Variants in GUCY1A2 observed in about 807,000 individuals in gnomAD.
GUCY1A2 encodes the protein guanylate cyclase 1 soluble subunit alpha 2.
A neutral mutation model predicts 63.5 loss-of-function variants in GUCY1A2; 27 were observed. The observed-to-expected ratio is 0.43, with a 90% confidence interval of 0.31 to 0.59. The LOEUF (loss-of-function observed/expected upper bound fraction) is 0.59. GUCY1A2 is among the 20% of genes least tolerant of loss of function. The pLI is 0.11. For synonymous variants in GUCY1A2, 364 were observed against 343.5 expected, an observed-to-expected ratio of 1.06 and a Z score of -0.66; for missense variants, 768 against 913.3, an observed-to-expected ratio of 0.84 and a Z score of 2.05.
chr11:106,840,369 G>C (rs183763946), intron 4 of GUCY1A2, among the ~76,000 whole-genome samples: 1 of 152,034 alleles, frequency 6.6e-6, no homozygotes, highest in Admixed American at 6.6e-5. Flanking sequence ...GACAATACAT[G>C]TTTGTATGAA....
chr11:106,803,106 C>T (rs963915986), intron 5 of GUCY1A2, among the ~76,000 whole-genome samples: 1 of 152,028 alleles, frequency 6.6e-6, no homozygotes, highest in African/African-American at 2.4e-5. Context: ...CAGAATATGC[C>T]ACAACACTAA....
At chr11:106,766,380 A>AAAAT (rs1238149688) in intron 6 of GUCY1A2, among the ~76,000 whole-genome samples, 5 of 152,116 alleles carry the variant, frequency 3.3e-5, no homozygotes, top group Admixed American at 3.3e-4. Context: ...TTCAGTTTTT[A>AAAAT]AAATAATCTA....
chr11:106,993,610 T>C (rs1861498730), intron 1 of GUCY1A2, among the ~76,000 whole-genome samples: 1 of 152,154 alleles, frequency 6.6e-6, no homozygotes, highest in Non-Finnish European at 1.5e-5. Context: ...GCTGTGCTAC[T>C]GACCTTTTTT....
intron 4 of GUCY1A2, among the ~76,000 whole-genome samples, chr11:106,904,483 T>C (rs140934291): frequency 5.3e-4 from 80 of 152,272 alleles, no homozygotes; most frequent in Non-Finnish European, 7.9e-4. Context: ...TCTTTGGAGA[T>C]GTTTGCCAAA....
chr11:106,939,418 C>T (rs1276807698), intron 4 of GUCY1A2, 42 bp downstream of exon 4: 1 of 947,540 alleles, frequency 1.1e-6, no homozygotes, highest in African/African-American at 1.6e-5. Flanking sequence ...TAATTATCCA[C>T]TCTTCTAGTT....
At chr11:106,807,731 A>G (rs967917968) in intron 5 of GUCY1A2, among the ~76,000 whole-genome samples, 1 of 152,188 alleles carries the variant, frequency 6.6e-6, no homozygotes, top group Non-Finnish European at 1.5e-5. Context: ...CCCACCTTCA[A>G]TCCAGGTGGG....
chr11:106,906,388 A>G (rs1231221186), intron 4 of GUCY1A2, among the ~76,000 whole-genome samples: 2 of 152,224 alleles, frequency 1.3e-5, no homozygotes, highest in Non-Finnish European at 2.9e-5. Context: ...AACCACAATG[A>G]GATACCATCT....
At chr11:106,896,266 C>T (rs1238999428) in intron 4 of GUCY1A2, among the ~76,000 whole-genome samples, 1 of 151,798 alleles carries the variant, frequency 6.6e-6, no homozygotes, top group Non-Finnish European at 1.5e-5. Context: ...TGACAAAATC[C>T]AACGTCAATT....
At chr11:106,879,141 C>T (rs1445121674) in intron 4 of GUCY1A2, among the ~76,000 whole-genome samples, 1 of 152,050 alleles carries the variant, frequency 6.6e-6, no homozygotes, top group Non-Finnish European at 1.5e-5. Flanking sequence ...GTCTGAAGTA[C>T]ACTCTAAACC....
At chr11:106,734,837 G>C (rs1040253345) in intron 6 of GUCY1A2, among the ~76,000 whole-genome samples, 1 of 152,044 alleles carries the variant, frequency 6.6e-6, no homozygotes, top group African/African-American at 2.4e-5. Flanking sequence ...ATGAGCAAAA[G>C]AATGTTTGCA....
intron 6 of GUCY1A2, among the ~76,000 whole-genome samples, chr11:106,710,804 A>G (rs1412172733): frequency 3.3e-5 from 5 of 151,984 alleles, no homozygotes; most frequent in African/African-American, 1.2e-4. Context: ...GGGAATGTAG[A>G]GTGTTCCTTG....
In GUCY1A2 at chr11:106,681,857, A is replaced by G. The variant is rs1234886844; in HGVS notation, c.*5692T>C. The G allele has an allele frequency of 9.3e-6, 2 of 215,366 alleles. No individual in the cohort carries two copies. Among genetic ancestry groups the G allele is most frequent in the Non-Finnish European group, 1.9e-5 (2 of 106,888 alleles). The allele number at this position is 215,366 out of a possible 1,614,324, so 13.3% of individuals were successfully genotyped here. On this transcript the variant is annotated 3_prime_UTR_variant, in exon 8 of 8. Coordinates refer to ENST00000526355, the MANE Select transcript of GUCY1A2 (RefSeq NM_000855.3). Reference sequence around the variant, plus strand: ...TTGCTTGGAAATCAGTTTTCAGATAATGTACAATTCAATATGAAAAGTACA... The same window carrying G: ...TTGCTTGGAAATCAGTTTTCAGATAGTGTACAATTCAATATGAAAAGTACA...
At chr11:106,952,357 T>C (rs1860921677) in intron 3 of GUCY1A2, among the ~76,000 whole-genome samples, 1 of 152,240 alleles carries the variant, frequency 6.6e-6, no homozygotes, top group South Asian at 2.1e-4. Context: ...ATATTGATTC[T>C]TCCTATCCAC....
chr11:106,868,431 C>G (rs886093812), intron 4 of GUCY1A2, among the ~76,000 whole-genome samples: 1 of 152,020 alleles, frequency 6.6e-6, no homozygotes, highest in East Asian at 1.9e-4. Context: ...AATCAATGTG[C>G]AAAAATCACA....
At chr11:106,784,211 C>A (rs183784146) in intron 5 of GUCY1A2, among the ~76,000 whole-genome samples, 63 of 152,262 alleles carry the variant, frequency 4.1e-4, no homozygotes, top group African/African-American at 1.4e-3. Context: ...AAATGGCACA[C>A]TCCTCAGTTG....
intron 5 of GUCY1A2, among the ~76,000 whole-genome samples, chr11:106,800,633 C>T (rs1864858033): frequency 6.6e-6 from 1 of 151,936 alleles, no homozygotes; most frequent in Non-Finnish European, 1.5e-5. Context: ...CAAACTATCG[C>T]AAGGACAAAA....
rs2135327558 is a variant in GUCY1A2 at position 106,681,400 on chromosome 11, C to T, written c.*6149G>A. ...TCTTCCAACCTATGCTCTACTTCCA[C>T]TCATTTATCCATCCTTAACTTCTTC... On this transcript the variant is annotated 3_prime_UTR_variant, in exon 8 of 8. Transcript: ENST00000526355. 1 of 226,066 alleles carries T rather than the reference C, an allele frequency of 4.4e-6. No homozygotes were observed. Among genetic ancestry groups the T allele is most frequent in the South Asian group, 1.8e-4 (1 of 5,476 alleles). The allele number at this position is 226,066 out of a possible 1,614,324, so 14.0% of individuals were successfully genotyped here.
intron 3 of GUCY1A2, among the ~76,000 whole-genome samples, chr11:106,944,521 C>T (rs780522703): frequency 2.0e-5 from 3 of 151,940 alleles, no homozygotes; most frequent in Non-Finnish European, 2.9e-5. Flanking sequence ...GAAAGAAGAT[C>T]ACAAAAAATA....
chr11:106,936,477 A>C (rs2119963564), intron 4 of GUCY1A2, among the ~76,000 whole-genome samples: 1 of 152,352 alleles, frequency 6.6e-6, no homozygotes, highest in Admixed American at 6.5e-5. Context: ...TGATGATGAC[A>C]GGAAGTTGAG....
Sources: gnomAD v4.1 joint callset for allele counts (sites outside exome capture counted in the v4.1 genomes callset) on GRCh38, gnomAD v4.1.1 for gene constraint, MANE v1.5 for transcripts, NCBI Gene and HGNC (gene_info 2026-07-23, HGNC 2026-07-21) for gene names.